The following UNC5D variants were observed in gnomAD, a reference collection of about 807,000 sequenced individuals.
The protein encoded by UNC5D is unc-5 netrin receptor D, also known as netrin receptor UNC5D.
Under a neutral mutation model 105.4 loss-of-function variants are expected in UNC5D, and 39 were observed. The ratio of observed to expected loss-of-function variants is 0.37; its 90% CI spans 0.29 to 0.48. The LOEUF is 0.48. UNC5D is among the 20% of genes least tolerant of loss of function. The pLI, the probability that UNC5D is intolerant of heterozygous loss-of-function variation, is 0.98. For synonymous variants in UNC5D, 452 were observed against 450.4 expected, an observed-to-expected ratio of 1.00 and a Z score of -0.04; for missense variants, 991 against 1,202.4, an observed-to-expected ratio of 0.82 and a Z score of 2.60.
intron 1 of UNC5D, among the ~76,000 whole-genome samples, chr8:35,248,046 A>T (rs1355028869): frequency 3.6e-5 from 2 of 55,780 alleles, no homozygotes; most frequent in Non-Finnish European, 5.8e-5. Context: ...TATATAAAAT[A>T]TATATAATAT....
intron 1 of UNC5D, 47 bp downstream of exon 1, chr8:35,235,934 G>T: frequency 8.2e-7 from 1 of 1,219,066 alleles, no homozygotes; most frequent in South Asian, 4.2e-5. Flanking sequence ...GCGCAGGGGC[G>T]CCAGCCTGAC....
At chr8:35,443,839 A>T (rs1807595184) in intron 1 of UNC5D, among the ~76,000 whole-genome samples, 1 of 151,958 alleles carries the variant, frequency 6.6e-6, no homozygotes, top group Non-Finnish European at 1.5e-5. Context: ...GGTTATATAT[A>T]TTAGCTGATC....
intron 3 of UNC5D, among the ~76,000 whole-genome samples, chr8:35,591,722 G>T (rs1170575987): frequency 6.6e-6 from 1 of 152,042 alleles, no homozygotes; most frequent in Non-Finnish European, 1.5e-5. Flanking sequence ...AACCTGCCCT[G>T]TATCAGATAT....
intron 4 of UNC5D, among the ~76,000 whole-genome samples, chr8:35,643,980 A>G (rs1586323010): frequency 2.0e-5 from 3 of 152,284 alleles, no homozygotes; most frequent in Middle Eastern, 6.8e-3. Flanking sequence ...CAAAACAAGT[A>G]GAGAACAATA....
chr8:35,580,500 A>G (rs1388926189), intron 3 of UNC5D, among the ~76,000 whole-genome samples: 1 of 152,134 alleles, frequency 6.6e-6, no homozygotes, highest in East Asian at 1.9e-4. Context: ...AAATCTGTAA[A>G]TGGTCAAGGG....
chr8:35,490,561 C>T (rs188538316), intron 1 of UNC5D, among the ~76,000 whole-genome samples: 19 of 152,046 alleles, frequency 1.2e-4, no homozygotes, highest in Non-Finnish European at 2.8e-4. Context: ...TTCGGGCCTT[C>T]ATGGAAGAGA....
chr8:35,319,505 G>A (rs1239612365), intron 1 of UNC5D, among the ~76,000 whole-genome samples: 4 of 152,016 alleles, frequency 2.6e-5, no homozygotes, highest in African/African-American at 7.2e-5. Context: ...GATATAATAC[G>A]TTCTTGTCTC....
intron 14 of UNC5D, among the ~76,000 whole-genome samples, chr8:35,762,583 C>T (rs950021484): frequency 3.9e-5 from 6 of 152,052 alleles, no homozygotes; most frequent in East Asian, 1.9e-4. Context: ...ATGTGATTTT[C>T]GCCTCTGTAG....
chr8:35,748,747 G>A (rs957640411), intron 12 of UNC5D, 52 bp downstream of exon 12: 2 of 1,578,208 alleles, frequency 1.3e-6, no homozygotes, highest in Admixed American at 1.8e-5. Flanking sequence ...TTCCACCTAT[G>A]GGATATATTT....
At chr8:35,399,888 C>G (rs961360803) in intron 1 of UNC5D, among the ~76,000 whole-genome samples, 1 of 152,048 alleles carries the variant, frequency 6.6e-6, no homozygotes, top group Non-Finnish European at 1.5e-5. Context: ...ACAATGGGAC[C>G]TGAAGGGAAA....
intron 1 of UNC5D, among the ~76,000 whole-genome samples, chr8:35,497,826 T>C (rs1811703251): frequency 6.6e-6 from 1 of 151,718 alleles, no homozygotes; most frequent in African/African-American, 2.4e-5. Flanking sequence ...TCCAAGATCT[T>C]TGGGAGGCTG....
intron 16 of UNC5D, 150 bp from the exon 17 acceptor site, chr8:35,790,209 G>T: frequency 1.3e-6 from 1 of 755,386 alleles, no homozygotes. Flanking sequence ...ATACAAATTA[G>T]ACTGCCCCAG....
intron 1 of UNC5D, among the ~76,000 whole-genome samples, chr8:35,508,460 T>C (rs1245656687): frequency 1.3e-5 from 2 of 152,208 alleles, no homozygotes; most frequent in Admixed American, 1.3e-4. Flanking sequence ...CTTCAGAGAC[T>C]AGTGAGAGAC....
intron 1 of UNC5D, among the ~76,000 whole-genome samples, chr8:35,465,454 G>A (rs369613430): frequency 1.7e-4 from 26 of 150,686 alleles, no homozygotes; most frequent in African/African-American, 6.2e-4. Flanking sequence ...GGCACAGTGA[G>A]CCCAGATTAT....
At chr8:35,396,457 G>T (rs761307875) in intron 1 of UNC5D, among the ~76,000 whole-genome samples, 1 of 151,888 alleles carries the variant, frequency 6.6e-6, no homozygotes, top group Non-Finnish European at 1.5e-5. Context: ...AGCTAGGGAG[G>T]CTCCTTAGCG....
intron 1 of UNC5D, among the ~76,000 whole-genome samples, chr8:35,414,496 T>A (rs1805404841): frequency 6.6e-6 from 1 of 152,136 alleles, no homozygotes; most frequent in Non-Finnish European, 1.5e-5. Flanking sequence ...GTTCTAACTT[T>A]TTATTTACTA....
chr8:35,788,373 C>G (rs1031432780), intron 16 of UNC5D, among the ~76,000 whole-genome samples: 1 of 152,120 alleles, frequency 6.6e-6, no homozygotes, highest in Non-Finnish European at 1.5e-5. Context: ...TCTGGAAAAT[C>G]TTTTCAACTC....
intron 1 of UNC5D, among the ~76,000 whole-genome samples, chr8:35,459,236 G>C (rs1347416679): frequency 6.6e-6 from 1 of 152,264 alleles, no homozygotes; most frequent in South Asian, 2.1e-4. Flanking sequence ...CCTTAGGGCA[G>C]GCAAAAGACT....
chr8:35,483,481 T>C (rs1810631307), intron 1 of UNC5D, among the ~76,000 whole-genome samples: 1 of 152,224 alleles, frequency 6.6e-6, no homozygotes, highest in African/African-American at 2.4e-5. Context: ...AGCAAGCAAG[T>C]CTTCCTGAAG....
Sources: allele counts gnomAD v4.1 joint callset (sites outside exome capture counted in the v4.1 genomes callset), GRCh38; gene constraint gnomAD v4.1.1; transcripts MANE v1.5; gene names NCBI Gene and HGNC (gene_info 2026-07-23, HGNC 2026-07-21).